The following DMD variants were observed in gnomAD, a reference collection of about 807,000 sequenced individuals.
DMD encodes mutant dystrophin.
In DMD, 63 loss-of-function variants were observed where a neutral mutation model predicts 330.1. That is an observed-to-expected ratio of 0.19 (90% CI 0.16 to 0.24). The LOEUF (loss-of-function observed/expected upper bound fraction) is 0.24, where lower values mean the gene tolerates loss of function less well. Among genes scored for constraint, DMD ranks in the 10% least tolerant of loss-of-function variants. DMD has a pLI of 1.00. For synonymous variants in DMD, 1,223 were observed against 959.8 expected, an observed-to-expected ratio of 1.27 and a Z score of -5.07; for missense variants, 3,344 against 2,684.1, an observed-to-expected ratio of 1.25 and a Z score of -5.43.
Position 32,756,998 on chromosome X carries a change from C to T in DMD, c.649+52495G>A, listed in dbSNP as rs149585771. 8.5e-4 allele frequency among the ~76,000 whole-genome samples: 95 copies of T among 111,497 alleles called. 1 individual carries two copies. The highest frequency in any genetic ancestry group is 5.6e-3 in the Admixed American group (59 of 10,463). On this transcript the variant is annotated intron_variant, in intron 7 of 78. Transcript: ENST00000357033. Reference sequence around the variant, plus strand: ...TTAGTCTTCGTCAGCAAGAAATTCCCTACAATTCAGGGTTTAACTCTTAAA... The same window carrying T: ...TTAGTCTTCGTCAGCAAGAAATTCCTTACAATTCAGGGTTTAACTCTTAAA...
intron 2 of DMD, among the ~76,000 whole-genome samples, chrX:32,873,525 A>G (rs55831168): frequency 0.33 from 36,259 of 110,273 alleles, 4,361 homozygotes; most frequent in South Asian, 0.45. Context: ...ACCACTGATT[A>G]AGTAGCCATG....
chrX:31,218,111 A>T (rs989753104), intron 64 of DMD, among the ~76,000 whole-genome samples: 16 of 111,339 alleles, frequency 1.4e-4, no homozygotes, highest in Non-Finnish European at 2.6e-4. Context: ...TGTGAATGGA[A>T]TTTTTTTTGA....
At chrX:31,222,790 G>A (rs2046235542) in intron 64 of DMD, among the ~76,000 whole-genome samples, 1 of 112,235 alleles carries the variant, frequency 8.9e-6, no homozygotes, top group African/African-American at 3.2e-5. Context: ...GCCAATGCCA[G>A]TAGTTGGAAA....
intron 7 of DMD, among the ~76,000 whole-genome samples, chrX:32,802,617 A>C (rs970050295): frequency 8.1e-5 from 9 of 111,696 alleles, no homozygotes; most frequent in Non-Finnish European, 3.8e-5. Context: ...TGGGTATGTC[A>C]TAAATAGCTC....
chrX:31,248,950 C>T (rs1368670324), intron 63 of DMD, among the ~76,000 whole-genome samples: 1 of 111,422 alleles, frequency 9.0e-6, no homozygotes, highest in Non-Finnish European at 1.9e-5. Flanking sequence ...TTGTCATTGT[C>T]CCTCCAGCCC....
chrX:31,476,753 G>A lies in DMD; in HGVS notation c.8937+1353C>T, dbSNP rs779258408. Among the ~76,000 whole-genome samples, 3 of 111,242 alleles carry A rather than the reference G, an allele frequency of 2.7e-5. No homozygotes were observed. The South Asian group carries it at 1.1e-3, about 42-fold the overall frequency. On this transcript the variant is annotated intron_variant, in intron 59 of 78. Coordinates refer to ENST00000357033, the MANE Select transcript of DMD (RefSeq NM_004006.3). The stretch of plus-strand genomic sequence containing the variant: ...TAATTCACCAAATGTTTAAAATGCA[G>A]TATCTGAGATATGCCAGGCACACAG...
At chrX:31,290,168 G>A (rs1210958644) in intron 62 of DMD, among the ~76,000 whole-genome samples, 1 of 109,967 alleles carries the variant, frequency 9.1e-6, no homozygotes, top group Non-Finnish European at 1.9e-5. Flanking sequence ...CAATCTACCC[G>A]CCTCGGCCTC....
At chrX:33,328,317 C>T (rs1012314524) in intron 1 of DMD, among the ~76,000 whole-genome samples, 1 of 110,671 alleles carries the variant, frequency 9.0e-6, no homozygotes, top group African/African-American at 3.3e-5. Flanking sequence ...GATTCTTCTG[C>T]CTCAGCCTCC....
At chrX:31,295,474 C>A (rs759279146) in intron 62 of DMD, among the ~76,000 whole-genome samples, 1 of 110,844 alleles carries the variant, frequency 9.0e-6, no homozygotes, top group African/African-American at 3.3e-5. Context: ...AGTGCAATGG[C>A]ATGATCTTGG....
At chrX:31,588,957 T>TCAA (rs2076741259) in intron 55 of DMD, among the ~76,000 whole-genome samples, 1 of 107,645 alleles carries the variant, frequency 9.3e-6, no homozygotes, top group South Asian at 4.2e-4. Flanking sequence ...ACCAGTGTGT[T>TCAA]CAACTGGGCT....
intron 2 of DMD, among the ~76,000 whole-genome samples, chrX:32,952,550 A>G (rs941136673): frequency 2.7e-5 from 3 of 111,438 alleles, no homozygotes; most frequent in African/African-American, 9.8e-5. Flanking sequence ...GTCTCGTGGG[A>G]GGTGGAATAT....
At chrX:33,152,846 T>A (rs1333969264) in intron 1 of DMD, among the ~76,000 whole-genome samples, 1 of 111,757 alleles carries the variant, frequency 8.9e-6, no homozygotes, top group Non-Finnish European at 1.9e-5. Context: ...CAATAGACAG[T>A]CACTTAAAGC....
rs753994230 is a variant in DMD, at chrX:33,095,047, T to C, written c.32-74847A>G. Among the ~76,000 whole-genome samples, 62 of 112,209 alleles carry C rather than the reference T, an allele frequency of 5.5e-4. 1 individual carries two copies. The highest frequency in any genetic ancestry group is 4.6e-3 in the Middle Eastern group (1 of 216). ...TTAATACAAAGTAGTATATACAATA[T>C]GCATGTAATTACCTTTTGCTATTTC... On this transcript the variant is annotated intron_variant, in intron 1 of 78. Coordinates refer to ENST00000357033, the MANE Select transcript of DMD (RefSeq NM_004006.3).
At chrX:33,128,122 G>C (rs749665028) in intron 1 of DMD, 1 of 1,204,733 alleles carries the variant, frequency 8.3e-7, no homozygotes, top group African/African-American at 1.7e-5. Flanking sequence ...AATGGCTGTT[G>C]CATTTATCTG....
intron 60 of DMD, among the ~76,000 whole-genome samples, chrX:31,435,251 C>A (rs1181699163): frequency 8.9e-6 from 1 of 111,971 alleles, no homozygotes; most frequent in Non-Finnish European, 1.9e-5. Context: ...TAAGTTCTCA[C>A]TATTAATCTC....
At chrX:33,276,098 G>T (rs1353118942) in intron 1 of DMD, among the ~76,000 whole-genome samples, 1 of 111,527 alleles carries the variant, frequency 9.0e-6, no homozygotes, top group Non-Finnish European at 1.9e-5. Context: ...TGAAATTTTT[G>T]TCAGGCTTGG....
At chrX:31,819,333 T>C (rs2092703389) in intron 50 of DMD, among the ~76,000 whole-genome samples, 1 of 112,398 alleles carries the variant, frequency 8.9e-6, no homozygotes, top group African/African-American at 3.2e-5. Flanking sequence ...GAACTAAAAA[T>C]GGGAGAGCTC....
chrX:32,327,142 T>A (rs992873188), intron 41 of DMD, among the ~76,000 whole-genome samples: 2 of 108,163 alleles, frequency 1.8e-5, no homozygotes, highest in Non-Finnish European at 3.8e-5. Flanking sequence ...TTATCTCCTG[T>A]TTCAGTCATT....
At chrX:32,318,564 AGT>A (rs2097593649) in intron 41 of DMD, among the ~76,000 whole-genome samples, 1 of 110,435 alleles carries the variant, frequency 9.1e-6, no homozygotes, top group Non-Finnish European at 1.9e-5. Flanking sequence ...GCAATGAGAG[AGT>A]GTTTGCTCTT....
Sources: allele counts gnomAD v4.1 joint callset (sites outside exome capture counted in the v4.1 genomes callset), GRCh38; gene constraint gnomAD v4.1.1; transcripts MANE v1.5; gene names NCBI Gene and HGNC (gene_info 2026-07-23, HGNC 2026-07-21).